UQCC1: variants seen among roughly 807,000 people sequenced by gnomAD.
The protein encoded by UQCC1 is ubiquinol-cytochrome c reductase complex assembly factor 1, also known as bFGF-repressed Zic-binding protein.
In UQCC1, 38 loss-of-function variants were observed where a neutral mutation model predicts 48.0. The observed-to-expected ratio is 0.79, with a 90% CI of 0.61 to 1.04. The LOEUF (loss-of-function observed/expected upper bound fraction) is 1.04. UQCC1 is among the 50% of genes least tolerant of loss of function. The pLI, the probability that UQCC1 is intolerant of heterozygous loss-of-function variation, is 0.00. For missense variants in UQCC1, 368 were observed against 381.8 expected, an observed-to-expected ratio of 0.96 and a Z score of 0.30; for synonymous variants, 111 against 129.2, an observed-to-expected ratio of 0.86 and a Z score of 0.95.
intron 7 of UQCC1, among the ~76,000 whole-genome samples, chr20:35,325,354 A>G (rs1399735883): frequency 1.3e-5 from 2 of 152,232 alleles, no homozygotes; most frequent in Non-Finnish European, 2.9e-5. Context: ...TTATGTATGT[A>G]TATTTTACCA....
chr20:35,390,588 T>A (rs1367828673), intron 2 of UQCC1, among the ~76,000 whole-genome samples: 1 of 152,020 alleles, frequency 6.6e-6, no homozygotes, highest in East Asian at 1.9e-4. Context: ...TTATAATGGT[T>A]ATGACAATAA....
intron 1 of UQCC1, among the ~76,000 whole-genome samples, chr20:35,403,310 T>C (rs2062196635): frequency 6.6e-6 from 1 of 152,058 alleles, no homozygotes; most frequent in African/African-American, 2.4e-5. Flanking sequence ...TTTTAATATA[T>C]AAAGAAAAAG....
At chr20:35,327,341 T>G (rs1368398198) in intron 7 of UQCC1, among the ~76,000 whole-genome samples, 2 of 152,246 alleles carry the variant, frequency 1.3e-5, no homozygotes, top group Non-Finnish European at 2.9e-5. Flanking sequence ...AACTGCTCAC[T>G]GTTCAGAGCT....
chr20:35,406,333 CAA>C (rs1230990505), intron 1 of UQCC1, among the ~76,000 whole-genome samples: 1 of 152,182 alleles, frequency 6.6e-6, no homozygotes, highest in Non-Finnish European at 1.5e-5. Context: ...TGCCAAGAGA[CAA>C]AGATTCTTTA....
chr20:35,371,984 A>C (rs1313470988), intron 5 of UQCC1, among the ~76,000 whole-genome samples: 1 of 152,116 alleles, frequency 6.6e-6, no homozygotes, highest in Non-Finnish European at 1.5e-5. Flanking sequence ...CACTGATTCC[A>C]GCCTAGGTGA....
intron 2 of UQCC1, among the ~76,000 whole-genome samples, chr20:35,385,889 T>A (rs541521998): frequency 6.6e-6 from 1 of 150,878 alleles, no homozygotes; most frequent in East Asian, 1.9e-4. Context: ...ATAGCAAAAC[T>A]TCCTGGAAAG....
chr20:35,318,314 G>C (rs1399281413), intron 7 of UQCC1, among the ~76,000 whole-genome samples: 1 of 152,216 alleles, frequency 6.6e-6, no homozygotes, highest in Non-Finnish European at 1.5e-5. Context: ...GTTAGTATAA[G>C]AGCCAGGATT....
chr20:35,385,528 G>A (rs954836879), intron 2 of UQCC1, among the ~76,000 whole-genome samples: 2 of 152,130 alleles, frequency 1.3e-5, no homozygotes, highest in Admixed American at 6.6e-5. Context: ...TTGAGACAAG[G>A]TCTGGCTCTA....
chr20:35,349,713 T>A (rs971878396), intron 6 of UQCC1, among the ~76,000 whole-genome samples: 5 of 152,166 alleles, frequency 3.3e-5, no homozygotes, highest in Admixed American at 2.6e-4. Context: ...CCAAAGAGAA[T>A]CAGGTCAGGC....
intron 2 of UQCC1, among the ~76,000 whole-genome samples, chr20:35,390,796 C>T (rs544770023): frequency 6.6e-6 from 1 of 152,088 alleles, no homozygotes; most frequent in Non-Finnish European, 1.5e-5. Context: ...GTTATAAGAC[C>T]TACTAGCATT....
intron 7 of UQCC1, among the ~76,000 whole-genome samples, chr20:35,338,118 C>G (rs911885616): frequency 1.1e-4 from 16 of 152,038 alleles, no homozygotes; most frequent in Admixed American, 6.5e-5. Context: ...CACTCAGACT[C>G]TAAACGATGG....
intron 7 of UQCC1, among the ~76,000 whole-genome samples, chr20:35,325,682 G>A (rs918701901): frequency 1.3e-5 from 2 of 152,192 alleles, no homozygotes; most frequent in Non-Finnish European, 2.9e-5. Flanking sequence ...CACCTAGCAC[G>A]TTGTATGTAC....
At chr20:35,404,429 A>C (rs1171362813) in intron 1 of UQCC1, among the ~76,000 whole-genome samples, 1 of 147,626 alleles carries the variant, frequency 6.8e-6, no homozygotes, top group Non-Finnish European at 1.5e-5. Context: ...AGTCCCAGCT[A>C]CTCGGGAGGC....
chr20:35,373,536 G>A (rs1374258125), intron 5 of UQCC1, among the ~76,000 whole-genome samples: 2 of 152,006 alleles, frequency 1.3e-5, no homozygotes, highest in African/African-American at 4.8e-5. Context: ...AAAATTAGCT[G>A]GGTATGGTGG....
At chr20:35,386,014 T>C (rs2061938680) in intron 2 of UQCC1, among the ~76,000 whole-genome samples, 1 of 151,980 alleles carries the variant, frequency 6.6e-6, no homozygotes, top group Admixed American at 6.6e-5. Flanking sequence ...CACATCATCA[T>C]CACTCAGACT....
chr20:35,316,944 C>CT (rs1046630669), intron 7 of UQCC1, among the ~76,000 whole-genome samples: 88 of 146,310 alleles, frequency 6.0e-4, no homozygotes, highest in African/African-American at 1.9e-3. Context: ...GGCCCATTTC[C>CT]TTTTTTTTTG....
intron 2 of UQCC1, among the ~76,000 whole-genome samples, chr20:35,391,055 G>A (rs1018458158): frequency 3.3e-5 from 5 of 151,988 alleles, no homozygotes; most frequent in African/African-American, 9.7e-5. Flanking sequence ...AAGTAGCTGG[G>A]TGTGGTGGCG....
At chr20:35,345,992 GAGGTGA>G (rs1368294491) in intron 7 of UQCC1, 2 of 152,234 alleles carry the variant, frequency 1.3e-5, no homozygotes, top group Non-Finnish European at 1.5e-5. Flanking sequence ...ATACTAGTGG[GAGGTGA>G]AGCCAGCTGG....
At chr20:35,374,837 A>G (rs953976208) in intron 4 of UQCC1, among the ~76,000 whole-genome samples, 8 of 152,144 alleles carry the variant, frequency 5.3e-5, no homozygotes, top group African/African-American at 1.9e-4. Context: ...AACTTTTACT[A>G]TTCCCAAAGC....
Sources: allele counts gnomAD v4.1 joint callset (sites outside exome capture counted in the v4.1 genomes callset), GRCh38; gene constraint gnomAD v4.1.1; transcripts MANE v1.5; gene names NCBI Gene and HGNC (gene_info 2026-07-23, HGNC 2026-07-21).